Variants in SINHCAF observed in about 807,000 individuals in gnomAD.
The protein encoded by SINHCAF is SIN3-HDAC complex-associated factor.
In SINHCAF, 3 loss-of-function variants were observed where a neutral mutation model predicts 25.8. That is an observed-to-expected ratio of 0.12 (90% CI 0.05 to 0.30). The LOEUF is 0.30. Ranked by LOEUF, SINHCAF falls within the 10% of genes least tolerant of loss-of-function variation. The pLI is 1.00. For missense variants in SINHCAF, 121 were observed against 262.3 expected (o/e 0.46, Z 3.72); for synonymous variants, 70 against 85.5 (o/e 0.82, Z 1.00).
chr12:31,301,383 C>T (rs1445191494), intron 1 of SINHCAF, among the ~76,000 whole-genome samples: 1 of 152,148 alleles, frequency 6.6e-6, no homozygotes, highest in African/African-American at 2.4e-5. Flanking sequence ...TTACTTTTGT[C>T]CTGACAAAAT....
chr12:31,300,233 G>GA, intron 1 of SINHCAF, among the ~76,000 whole-genome samples: 1 of 152,106 alleles, frequency 6.6e-6, no homozygotes, highest in East Asian at 1.9e-4. Context: ...ACTTTTAAAA[G>GA]AAAATTTTTT....
chr12:31,312,155 A>G (rs1306015747), intron 1 of SINHCAF: 11 of 398,590 alleles, frequency 2.8e-5, no homozygotes, highest in Non-Finnish European at 5.3e-5. Flanking sequence ...CTTAATTGGA[A>G]CTATACAGAA....
intron 1 of SINHCAF, among the ~76,000 whole-genome samples, chr12:31,316,099 G>A (rs1939485558): frequency 6.6e-6 from 1 of 152,150 alleles, no homozygotes; most frequent in Admixed American, 6.5e-5. Context: ...GAACCCGGGA[G>A]GCAGAGTATG....
chr12:31,295,230 T>A lies in SINHCAF; in HGVS notation c.228+4A>T. 1 of 1,579,928 alleles carries A rather than the reference T, an allele frequency of 6.3e-7. No homozygotes were observed. Among genetic ancestry groups the A allele is most frequent in the East Asian group, 2.2e-5 (1 of 44,672 alleles). On this transcript the variant is annotated splice_donor_region_variant and intron_variant, in intron 3 of 5. Transcript: ENST00000337682. ...TAATTGAGAAAAAAGAAAGATGGAC[T>A]AACATGATTCCAGTTTTTTTTTGAT... is the stretch of plus-strand genomic sequence containing the variant.
chr12:31,322,115 G>A (rs1939717619), intron 1 of SINHCAF, among the ~76,000 whole-genome samples: 1 of 152,104 alleles, frequency 6.6e-6, no homozygotes, highest in African/African-American at 2.4e-5. Flanking sequence ...ATTGAACTTC[G>A]TATCTCCAAC....
rs1231040656 is a variant in SINHCAF at position 31,281,998 on chromosome 12, C to T, written c.*714G>A. ...GACCTTAATATTTCAAAATTATTAA[C>T]AACTACCTCTAGGGGCAAGTTCATG... On this transcript the variant is annotated 3_prime_UTR_variant, in exon 6 of 6. Coordinates refer to ENST00000337682, the MANE Select transcript of SINHCAF (RefSeq NM_001135812.2). 2.0e-5 allele frequency: 3 copies of T among 152,518 alleles called. No homozygotes were observed. The highest frequency in any genetic ancestry group is 3.8e-4 in the East Asian group (2 of 5,200). 9.4% of individuals were successfully genotyped at this position (152,518 alleles called of 1,614,324 possible). A position where few individuals can be genotyped will look rare whatever the true frequency, so the allele number is the denominator to read the frequency against.
intron 1 of SINHCAF, chr12:31,311,827 G>A: frequency 1.0e-5 from 5 of 483,382 alleles, no homozygotes; most frequent in South Asian, 8.8e-5. Flanking sequence ...GACCAAAGAT[G>A]GGAGGAATGT....
intron 4 of SINHCAF, among the ~76,000 whole-genome samples, chr12:31,290,318 AT>A (rs1186566624): frequency 2.6e-5 from 4 of 151,672 alleles, no homozygotes; most frequent in African/African-American, 9.7e-5. Flanking sequence ...ATTTTTTTAT[AT>A]TTTTAGTAGA....
chr12:31,287,586 C>A (rs777103796), intron 5 of SINHCAF, 48 bp downstream of exon 5: 1 of 1,431,664 alleles, frequency 7.0e-7, no homozygotes, highest in Admixed American at 2.0e-5. Context: ...AAATACTGCC[C>A]ATAATTAAGA....
At chr12:31,320,599 T>C (rs993559201) in intron 1 of SINHCAF, among the ~76,000 whole-genome samples, 2 of 152,082 alleles carry the variant, frequency 1.3e-5, no homozygotes, top group African/African-American at 2.4e-5. Flanking sequence ...ATATAAACAG[T>C]ATATTTAAGG....
rs1433298777 is a variant in SINHCAF at position 31,296,024 on chromosome 12, A to T, written c.129-691T>A. On this transcript the variant is annotated intron_variant, in intron 2 of 5. Transcript: ENST00000337682. ...AAGGAGACCCCATCTCTACTTTAAA[A>T]TTTTTTTTTTTAATTTAATTTAAAA... Among the ~76,000 whole-genome samples the T allele has an allele frequency of 4.0e-5, 6 of 150,070 alleles. No homozygotes were observed. The East Asian group carries it at 7.8e-4, about 19-fold the overall frequency.
intron 1 of SINHCAF, among the ~76,000 whole-genome samples, chr12:31,306,967 C>T (rs1565499128): frequency 6.6e-6 from 1 of 152,232 alleles, no homozygotes; most frequent in Non-Finnish European, 1.5e-5. Flanking sequence ...ACCACCTTCT[C>T]CCCTCAAGTA....
rs1471876735 is a variant in SINHCAF at position 31,293,920 on chromosome 12, T to A, written c.240A>T (p.Ala80=). The A allele has an allele frequency of 6.3e-7, 1 of 1,598,526 alleles. No homozygotes were observed. Among genetic ancestry groups the A allele is most frequent in the Non-Finnish European group, 8.5e-7 (1 of 1,175,392 alleles). ...TAGTCTTTAGACTGGGTCCAGCCCT[T>A]GCATCTACCACCTGGAAGAAAATAC... ...SKKNWNHVVD[A]RAGPSLKTTL... is the part of the protein sequence containing the mutation. The change falls in exon 4 of 6, where the codon GCA becomes GCT. Residue 80 remains alanine (A), a synonymous_variant. Transcript: ENST00000337682.
chr12:31,319,678 C>T (rs1939625188), intron 1 of SINHCAF, among the ~76,000 whole-genome samples: 2 of 152,090 alleles, frequency 1.3e-5, no homozygotes, highest in Non-Finnish European at 2.9e-5. Context: ...TTTCCTCTTA[C>T]ATTTCAGGTA....
chr12:31,325,475 T>TA lies in SINHCAF; in HGVS notation c.-21+548dup, dbSNP rs1939932284. 2 of 345,568 alleles carry TA rather than the reference T, an allele frequency of 5.8e-6. No individual in the cohort carries two copies. The highest frequency in any genetic ancestry group is 1.2e-5 in the Non-Finnish European group (2 of 173,898). 21.4% of individuals were successfully genotyped at this position (345,568 alleles called of 1,614,324 possible). ...GCCAGCTCGGAAGCGGATGGCAACT[T>TA]AGTTTCCGAGCGAATGGCGTTTATT... On this transcript the variant is annotated intron_variant, in intron 1 of 5. Transcript: ENST00000337682. The surrounding 1 kb of genome is among the most constrained non-coding windows in gnomAD (Gnocchi z 5.9).
At chr12:31,310,990 C>T (rs1278424407) in intron 1 of SINHCAF, among the ~76,000 whole-genome samples, 1 of 151,974 alleles carries the variant, frequency 6.6e-6, no homozygotes, top group Admixed American at 6.6e-5. Context: ...CTGCCTCAGC[C>T]TCCTGAGGAA....
chr12:31,301,538 C>T (rs1248706193), intron 1 of SINHCAF, among the ~76,000 whole-genome samples: 1 of 152,166 alleles, frequency 6.6e-6, no homozygotes, highest in African/African-American at 2.4e-5. Context: ...TGGATGACAA[C>T]TTAATAAACC....
intron 4 of SINHCAF, among the ~76,000 whole-genome samples, chr12:31,289,125 G>A (rs1031947056): frequency 2.0e-5 from 3 of 152,144 alleles, no homozygotes; most frequent in Admixed American, 6.5e-5. Context: ...CCATATGAAC[G>A]ACACAGAAAA....
In SINHCAF at chr12:31,325,430, C is replaced by T. The variant is rs1939931052; in HGVS notation, c.-21+594G>A. Reference sequence around the variant, plus strand: ...GAGCCCAGCACTGACCCCCAAAGGCCGATTTAAAGACCCTCGGCCGCCAGC... The same window carrying T: ...GAGCCCAGCACTGACCCCCAAAGGCTGATTTAAAGACCCTCGGCCGCCAGC... On this transcript the variant is annotated intron_variant, in intron 1 of 5. Coordinates refer to ENST00000337682, the MANE Select transcript of SINHCAF (RefSeq NM_001135812.2). The surrounding 1 kb of genome is among the most constrained non-coding windows in gnomAD (Gnocchi z 5.9). 2.9e-6 allele frequency: 1 copy of T among 350,182 alleles called. No individual in the cohort carries two copies. Among genetic ancestry groups the T allele is most frequent in the South Asian group, 2.1e-5 (1 of 47,744 alleles). 21.7% of individuals were successfully genotyped at this position (350,182 alleles called of 1,614,324 possible).
Sources: gnomAD v4.1 joint callset for allele counts (sites outside exome capture counted in the v4.1 genomes callset) on GRCh38, gnomAD v4.1.1 for gene constraint, Gnocchi (gnomAD v3.1) non-coding constraint, MANE v1.5 for transcripts, NCBI Gene and HGNC (gene_info 2026-07-23, HGNC 2026-07-21) for gene names.